The following CCDC30 variants were observed in gnomAD, a reference collection of about 807,000 sequenced individuals.
CCDC30 encodes the protein coiled-coil domain containing 30.
A neutral mutation model predicts 100.2 loss-of-function variants in CCDC30; 70 were observed. That is an observed-to-expected ratio of 0.70 (90% CI 0.58 to 0.85). The LOEUF (loss-of-function observed/expected upper bound fraction) is 0.85. Ranked by LOEUF, CCDC30 falls within the 40% of genes least tolerant of loss-of-function variation. The probability of loss-of-function intolerance (pLI) is 0.00; values close to 1 mark genes in which losing one functional copy is unlikely to be tolerated. For synonymous variants in CCDC30, 233 were observed against 269.5 expected, an observed-to-expected ratio of 0.86 and a Z score of 1.33; for missense variants, 652 against 771.2, an observed-to-expected ratio of 0.85 and a Z score of 1.83.
At chr1:42,456,474 T>A in the CCDC30 span, 1 of 1,334,494 alleles carries the variant, frequency 7.5e-7, no homozygotes. Flanking sequence ...AACCGCCCAC[T>A]CAGTACGGCG....
At chr1:42,503,882 G>C (rs1301611649) in intron 6 of CCDC30, among the ~76,000 whole-genome samples, 1 of 152,098 alleles carries the variant, frequency 6.6e-6, no homozygotes, top group Non-Finnish European at 1.5e-5. Context: ...CTCAGTCAGG[G>C]AGACCCTCAC....
intron 5 of CCDC30, 99 bp downstream of exon 5, chr1:42,497,312 G>T: frequency 1.7e-6 from 1 of 605,304 alleles, no homozygotes; most frequent in East Asian, 3.5e-5. Flanking sequence ...TTGGTCTTTA[G>T]CAGGGACCAA....
chr1:42,465,813 T>A (rs1344580094), intron 1 of CCDC30, among the ~76,000 whole-genome samples: 1 of 152,196 alleles, frequency 6.6e-6, no homozygotes, highest in Non-Finnish European at 1.5e-5. Context: ...CTCCATATCT[T>A]AATATGCACA....
At chr1:42,469,294 A>G (rs955446796) in intron 1 of CCDC30, among the ~76,000 whole-genome samples, 1 of 152,220 alleles carries the variant, frequency 6.6e-6, no homozygotes, top group Non-Finnish European at 1.5e-5. Context: ...AGTCAGGAGG[A>G]TCACTAGAGC....
At chr1:42,642,664 T>A in intron 13 of CCDC30, 55 bp downstream of exon 17, 1 of 1,415,872 alleles carries the variant, frequency 7.1e-7, no homozygotes, top group Non-Finnish European at 9.3e-7. Flanking sequence ...TGTTTCTCCC[T>A]CAACAAAGAG....
At chr1:42,632,714 C>T (rs911729070) in intron 11 of CCDC30, among the ~76,000 whole-genome samples, 28 of 150,680 alleles carry the variant, frequency 1.9e-4, no homozygotes, top group African/African-American at 6.6e-4. Flanking sequence ...GAGCCGAGAT[C>T]GTGCCATTGT....
intron 6 of CCDC30, among the ~76,000 whole-genome samples, chr1:42,530,219 C>T (rs946594345): frequency 3.3e-5 from 5 of 152,182 alleles, no homozygotes; most frequent in African/African-American, 1.2e-4. Context: ...TCACCTTCAC[C>T]TCATTATTTA....
At chr1:42,535,728 A>ATT (rs1177599266) in intron 6 of CCDC30, among the ~76,000 whole-genome samples, 9 of 109,528 alleles carry the variant, frequency 8.2e-5, no homozygotes, top group South Asian at 2.6e-4. Flanking sequence ...TAAATTTTAA[A>ATT]AAATTAAAAA....
chr1:42,529,824 C>G (rs959945070), intron 6 of CCDC30: 6 of 152,222 alleles, frequency 3.9e-5, no homozygotes, highest in African/African-American at 1.4e-4. Flanking sequence ...CCTTCCTTAT[C>G]GCTGACTACA....
chr1:42,501,023 G>C (rs542497811), intron 6 of CCDC30, among the ~76,000 whole-genome samples: 1 of 152,116 alleles, frequency 6.6e-6, no homozygotes, highest in African/African-American at 2.4e-5. Flanking sequence ...TTAAAATTTT[G>C]ATGGAGGTGA....
At chr1:42,491,734 G>T (rs1644146698) in intron 4 of CCDC30, 1 of 257,842 alleles carries the variant, frequency 3.9e-6, no homozygotes, top group Non-Finnish European at 7.7e-6. Flanking sequence ...TCTGTGAGCA[G>T]CACCATGGCT....
chr1:42,573,720 A>G (rs1196000955), intron 7 of CCDC30, among the ~76,000 whole-genome samples: 4 of 152,084 alleles, frequency 2.6e-5, no homozygotes, highest in African/African-American at 9.6e-5. Flanking sequence ...TTTTAAAAAT[A>G]GATATTTTAT....
At chr1:42,546,359 T>G in intron 6 of CCDC30, among the ~76,000 whole-genome samples, 1 of 130,726 alleles carries the variant, frequency 7.6e-6, no homozygotes, top group African/African-American at 3.0e-5. Context: ...CACTCCAGCC[T>G]GGGCAACAAG....
At chr1:42,589,330 A>G in exon 10 of CCDC30, 1 of 1,601,072 alleles carries the variant, frequency 6.2e-7, no homozygotes, top group Non-Finnish European at 8.5e-7. Context: ...GGAAACTTCT[A>G]TATCAGAACG....
chr1:42,475,214 C>T (rs1643870024), intron 1 of CCDC30, among the ~76,000 whole-genome samples: 1 of 152,118 alleles, frequency 6.6e-6, no homozygotes, highest in Non-Finnish European at 1.5e-5. Context: ...GATGCCAACA[C>T]TTGAGGAAAG....
At chr1:42,598,786 T>A (rs1570197838) in intron 10 of CCDC30, among the ~76,000 whole-genome samples, 1 of 148,888 alleles carries the variant, frequency 6.7e-6, no homozygotes, top group African/African-American at 2.5e-5. Flanking sequence ...GAGGGCCAGG[T>A]GTGGTGGCTC....
At chr1:42,498,257 T>C (rs1263237114) in intron 5 of CCDC30, among the ~76,000 whole-genome samples, 1 of 152,194 alleles carries the variant, frequency 6.6e-6, no homozygotes, top group East Asian at 1.9e-4. Flanking sequence ...ATTAATAGAA[T>C]GGTCATTGCC....
chr1:42,467,336 A>C (rs887218613), intron 1 of CCDC30, among the ~76,000 whole-genome samples: 1 of 152,236 alleles, frequency 6.6e-6, no homozygotes, highest in South Asian at 2.1e-4. Flanking sequence ...GGTTGCTATT[A>C]TACTAAATTG....
In CCDC30 at chr1:42,513,684, C is replaced by T. The variant is rs140413984; in HGVS notation, c.456+14768C>T. On this transcript the variant is annotated intron_variant, in intron 6 of 16. Transcript: ENST00000668663. ...AAAAGTAAAACCTTAATGAGGACTTCCTTACCCTCAAAATCTTCCTAAATA... is the reference window on the plus strand; with the variant it reads ...AAAAGTAAAACCTTAATGAGGACTTTCTTACCCTCAAAATCTTCCTAAATA... 9.4e-4 allele frequency among the ~76,000 whole-genome samples: 143 copies of T among 152,262 alleles called. 1 individual carries two copies. The Middle Eastern group carries it at 0.017, about 18-fold the overall frequency.
Sources: gnomAD v4.1 joint callset for allele counts (sites outside exome capture counted in the v4.1 genomes callset) on GRCh38, gnomAD v4.1.1 for gene constraint, MANE v1.5 for transcripts, NCBI Gene and HGNC (gene_info 2026-07-23, HGNC 2026-07-21) for gene names.